DGCR2: variants seen among roughly 807,000 people sequenced by gnomAD.
The protein encoded by DGCR2 is DiGeorge syndrome critical region gene 2.
DGCR2 carries 24 observed loss-of-function variants against 51.6 expected under a neutral mutation model. The observed-to-expected ratio is 0.47, with a 90% confidence interval of 0.34 to 0.65. The LOEUF is 0.65. Among genes scored for constraint, DGCR2 ranks in the 30% least tolerant of loss-of-function variants. The pLI, the probability that DGCR2 is intolerant of heterozygous loss-of-function variation, is 0.01. For missense variants in DGCR2, 765 were observed against 772.1 expected (o/e 0.99, Z 0.11); for synonymous variants, 340 against 315.4 (o/e 1.08, Z -0.82).
At chr22:19,063,819 G>C (rs1009580455) in intron 4 of DGCR2, among the ~76,000 whole-genome samples, 4 of 152,112 alleles carry the variant, frequency 2.6e-5, no homozygotes, top group Non-Finnish European at 4.4e-5. Context: ...TCTTATTCTT[G>C]GTAGACATGA....
chr22:19,062,005 T>A lies in DGCR2; in HGVS notation c.625+1197A>T, dbSNP rs115736039. Among the ~76,000 whole-genome samples, 1,169 of 152,242 alleles carry A rather than the reference T, an allele frequency of 7.7e-3. 21 individuals are homozygous for A. The highest frequency in any genetic ancestry group is 0.026 in the African/African-American group (1,090 of 41,540). On this transcript the variant is annotated intron_variant, in intron 5 of 9. Transcript: ENST00000263196. ...CTCACACCAAGCATGAGGCCCCCAG[T>A]CCCCAACTCTGAATGTGCTGTCATC...
rs1165963088 is a variant in DGCR2 at position 19,089,374 on chromosome 22, A to G, written c.196T>C (p.Cys66Arg). ...TCEDESDEAN[C>R]PEVTGEVRPH... ...GCCTACTCAACACACTCACCTGGAC[A>G]GTTGGCTTCGTCGCTCTCATCCTCG... The change falls in exon 2 of 10, where the codon TGT (cysteine) becomes CGT (arginine). Residue 66 changes from cysteine (C) to arginine (R), a missense_variant. By Grantham distance (180) the Cys-to-Arg change is radical. Around this residue, in one of 3 missense-constraint regions of DGCR2, gnomAD observed 370 missense variants for 325.5 expected, o/e 1.14. Transcript: ENST00000263196. The G allele has an allele frequency of 6.2e-7, 1 of 1,606,446 alleles. No homozygotes were observed. Among genetic ancestry groups the G allele is most frequent in the East Asian group, 2.2e-5 (1 of 44,460 alleles).
At chr22:19,118,172 CA>C (rs2083392645) in intron 1 of DGCR2, among the ~76,000 whole-genome samples, 1 of 152,036 alleles carries the variant, frequency 6.6e-6, no homozygotes, top group Non-Finnish European at 1.5e-5. Flanking sequence ...AGTTTGAGAC[CA>C]GCCTACATGG....
chr22:19,063,535 G>A (rs1296126053), intron 4 of DGCR2, among the ~76,000 whole-genome samples: 1 of 146,652 alleles, frequency 6.8e-6, no homozygotes, highest in Non-Finnish European at 1.5e-5. Context: ...TTTTTTAGTA[G>A]AGACGGGGTT....
chr22:19,110,758 C>A (rs1012511968), intron 1 of DGCR2, among the ~76,000 whole-genome samples: 3 of 152,044 alleles, frequency 2.0e-5, no homozygotes, highest in South Asian at 4.2e-4. Flanking sequence ...TTTCAAATAC[C>A]CACTCCATGA....
chr22:19,054,752 AAAAG>A (rs1161233201), intron 6 of DGCR2, among the ~76,000 whole-genome samples: 5 of 151,134 alleles, frequency 3.3e-5, no homozygotes, highest in African/African-American at 4.9e-5. Flanking sequence ...AAAAAAAAAA[AAAAG>A]AGAGAGTCAA....
At chr22:19,041,574 G>A (rs989771066) in intron 8 of DGCR2, 11 of 598,890 alleles carry the variant, frequency 1.8e-5, no homozygotes, top group African/African-American at 7.4e-5. Flanking sequence ...AGGGTGATCC[G>A]GGCCTCTGAC....
chr22:19,076,903 G>T (rs1321046747), intron 2 of DGCR2, among the ~76,000 whole-genome samples: 2 of 151,050 alleles, frequency 1.3e-5, no homozygotes, highest in Non-Finnish European at 3.0e-5. Flanking sequence ...CTAATTTTTT[G>T]TGTTTTTTAG....
intron 2 of DGCR2, among the ~76,000 whole-genome samples, chr22:19,072,646 G>A (rs1164839266): frequency 6.6e-6 from 1 of 150,902 alleles, no homozygotes; most frequent in Non-Finnish European, 1.5e-5. Flanking sequence ...GGCCCGAGGT[G>A]GGCAGATCAC....
intron 1 of DGCR2, 66 bp downstream of exon 1, chr22:19,122,062 G>A (rs952412227): frequency 4.0e-6 from 5 of 1,248,556 alleles, no homozygotes; most frequent in African/African-American, 1.6e-5. Context: ...GGTGAAAGGA[G>A]GTCCCGGGGC....
chr22:19,063,897 T>C (rs1357337761), intron 4 of DGCR2, among the ~76,000 whole-genome samples: 2 of 152,226 alleles, frequency 1.3e-5, no homozygotes, highest in African/African-American at 2.4e-5. Flanking sequence ...GGGGAGATTT[T>C]CATGGCATGT....
At chr22:19,116,910 C>T (rs888729454) in intron 1 of DGCR2, among the ~76,000 whole-genome samples, 1 of 151,954 alleles carries the variant, frequency 6.6e-6, no homozygotes, top group Non-Finnish European at 1.5e-5. Context: ...ATGCACACAA[C>T]CGGATCACCT....
chr22:19,037,162 G>C lies in DGCR2; in HGVS notation c.*1703C>G, dbSNP rs2082378665. ...CCTGTGGCCAGGACTTCCTTGTTAA[G>C]TAGCAGCCCTTCTCCAAGGGGAGCA... On this transcript the variant is annotated 3_prime_UTR_variant, in exon 10 of 10. Transcript: ENST00000263196. 3 of 152,234 alleles carry C rather than the reference G, an allele frequency of 2.0e-5. No individual in the cohort carries two copies. The highest frequency in any genetic ancestry group is 2.0e-4 in the Admixed American group (3 of 15,282). The allele number at this position is 152,234 out of a possible 1,614,324, so 9.4% of individuals were successfully genotyped here.
chr22:19,109,201 A>C (rs1002060499), intron 1 of DGCR2, among the ~76,000 whole-genome samples: 3 of 152,226 alleles, frequency 2.0e-5, no homozygotes, highest in Admixed American at 6.5e-5. Flanking sequence ...TAGGAATGTA[A>C]AATGGTACAG....
chr22:19,068,971 C>T (rs568827853), intron 2 of DGCR2, among the ~76,000 whole-genome samples: 7 of 152,396 alleles, frequency 4.6e-5, no homozygotes, highest in Non-Finnish European at 8.8e-5. Flanking sequence ...GAACCACACT[C>T]CTCCCATCTC....
At position 19,071,660 on chromosome 22, in the gene DGCR2, A is replaced by G. The variant is rs117440284; in HGVS notation, c.203-3435T>C. 6.6e-4 allele frequency among the ~76,000 whole-genome samples: 100 copies of G among 152,364 alleles called. 1 individual carries two copies. The East Asian group carries it at 0.015, about 23-fold the overall frequency. On this transcript the variant is annotated intron_variant, in intron 2 of 9. Coordinates refer to ENST00000263196, the MANE Select transcript of DGCR2 (RefSeq NM_005137.3). Reference sequence around the variant, plus strand: ...GATTAAAGAACAAAGCAATACGGCAATAACATACTTACATTAATCCTTGAA... The same window carrying G: ...GATTAAAGAACAAAGCAATACGGCAGTAACATACTTACATTAATCCTTGAA...
chr22:19,039,473 A>ACTCAGTAAGGTGAAGACCCGGCTCAGC (rs2082407995), intron 9 of DGCR2, among the ~76,000 whole-genome samples: 1 of 152,136 alleles, frequency 6.6e-6, no homozygotes, highest in Non-Finnish European at 1.5e-5. Context: ...ACCGTCTCAG[A>ACTCAGTAAGGTGAAGACCCGGCTCAGC]CTCAGTAAGG....
chr22:19,118,393 A>AC (rs2083395799), intron 1 of DGCR2, among the ~76,000 whole-genome samples: 1 of 151,266 alleles, frequency 6.6e-6, no homozygotes, highest in African/African-American at 2.4e-5. Flanking sequence ...AAAAAAAAAA[A>AC]AAAAACAACT....
rs906415184 is a variant in DGCR2 at position 19,122,326 on chromosome 22, G to C, written c.-120C>G. ...CTGAACCTGGGCGAGGCGCGGAGAGGCGGCGGGAAAGAGCTTCGGCTGGGC... is the reference window on the plus strand; with the variant it reads ...CTGAACCTGGGCGAGGCGCGGAGAGCCGGCGGGAAAGAGCTTCGGCTGGGC... On this transcript the variant is annotated 5_prime_UTR_variant, in exon 1 of 10. Transcript: ENST00000263196. 1.2e-6 allele frequency: 1 copy of C among 816,034 alleles called. No homozygotes were observed. Among genetic ancestry groups the C allele is most frequent in the African/African-American group, 1.8e-5 (1 of 54,856 alleles). The allele number at this position is 816,034 out of a possible 1,614,324, so 50.5% of individuals were successfully genotyped here.
Sources: allele counts gnomAD v4.1 joint callset (sites outside exome capture counted in the v4.1 genomes callset), GRCh38; gene constraint gnomAD v4.1.1; regional missense constraint gnomAD v4.1.1; transcripts MANE v1.5; gene names NCBI Gene and HGNC (gene_info 2026-07-23, HGNC 2026-07-21).